The following NHS variants were observed in gnomAD, a reference collection of about 807,000 sequenced individuals.
The protein encoded by NHS is NHS actin remodeling regulator.
A neutral mutation model predicts 72.5 loss-of-function variants in NHS; 5 were observed. That is an observed-to-expected ratio of 0.07 (90% CI 0.04 to 0.14). The LOEUF (loss-of-function observed/expected upper bound fraction) is 0.14. NHS is among the 10% of genes least tolerant of loss of function. The probability of loss-of-function intolerance (pLI) is 1.00; values close to 1 mark genes in which losing one functional copy is unlikely to be tolerated. For synonymous variants in NHS, 464 were observed against 547.7 expected (o/e 0.85, Z 2.13); for missense variants, 1,072 against 1,355.7 (o/e 0.79, Z 3.29).
At chrX:17,718,867 GGAAA>G (rs770650288) in intron 3 of NHS, among the ~76,000 whole-genome samples, 5 of 92,591 alleles carry the variant, frequency 5.4e-5, no homozygotes, top group Non-Finnish European at 1.1e-4. Flanking sequence ...AAGGAAGGTA[GGAAA>G]GAAGGAAGGA....
chrX:17,489,006 T>A (rs1385879076), intron 1 of NHS, among the ~76,000 whole-genome samples: 1 of 111,611 alleles, frequency 9.0e-6, no homozygotes, highest in Non-Finnish European at 1.9e-5. Flanking sequence ...GTGTTCTCAT[T>A]GTTCAACTCC....
rs150791844 is a variant in NHS at position 17,574,155 on chromosome X, C to G, written c.566-113587C>G. On this transcript the variant is annotated intron_variant, in intron 1 of 8. Transcript: ENST00000676302. ...ACAGGGGTCAGGGACCCACTTGAGG[C>G]AGTCTGTCCATCATTAGAGCTCGAA... Among the ~76,000 whole-genome samples the G allele has an allele frequency of 5.4e-3, 604 of 112,079 alleles. 5 individuals carry two copies. The highest frequency in any genetic ancestry group is 0.019 in the African/African-American group (585 of 30,869).
chrX:17,711,429 C>T (rs753469950), intron 3 of NHS, among the ~76,000 whole-genome samples: 2 of 112,298 alleles, frequency 1.8e-5, no homozygotes, highest in Non-Finnish European at 3.8e-5. Context: ...TGTTCCAAAA[C>T]ATAATTGGTT....
At chrX:17,458,090 A>G (rs2064832460) in intron 1 of NHS, among the ~76,000 whole-genome samples, 1 of 112,133 alleles carries the variant, frequency 8.9e-6, no homozygotes, top group African/African-American at 3.2e-5. Flanking sequence ...GTATGGAGAT[A>G]TATGCATACA....
At chrX:17,720,142 T>C (rs1175883706) in intron 4 of NHS, among the ~76,000 whole-genome samples, 1 of 111,851 alleles carries the variant, frequency 8.9e-6, no homozygotes, top group Admixed American at 9.5e-5. Flanking sequence ...TACTAAAACG[T>C]TCATGACGAA....
chrX:17,384,540 C>T (rs2064395715), intron 1 of NHS, among the ~76,000 whole-genome samples: 1 of 112,181 alleles, frequency 8.9e-6, no homozygotes. Flanking sequence ...ACTGATATTA[C>T]TAAGATGATA....
chrX:17,556,668 C>T (rs912183979), intron 1 of NHS, among the ~76,000 whole-genome samples: 1 of 112,563 alleles, frequency 8.9e-6, no homozygotes, highest in Non-Finnish European at 1.9e-5. Context: ...CAGCGTTGAG[C>T]TCTACAGCCA....
chrX:17,692,590 C>A (rs1601839084), intron 3 of NHS, 122 bp downstream of exon 3: 14 of 844,369 alleles, frequency 1.7e-5, no homozygotes, highest in East Asian at 3.3e-5. Context: ...AAATCATGGG[C>A]ATTTGGGAAC....
At chrX:17,497,588 T>C (rs1327187822) in intron 1 of NHS, among the ~76,000 whole-genome samples, 1 of 112,069 alleles carries the variant, frequency 8.9e-6, no homozygotes, top group African/African-American at 3.2e-5. Flanking sequence ...CTTTCCCCAG[T>C]GTTAACTTTT....
At chrX:17,413,124 C>T (rs889901539) in intron 1 of NHS, among the ~76,000 whole-genome samples, 4 of 111,832 alleles carry the variant, frequency 3.6e-5, no homozygotes, top group South Asian at 3.8e-4. Context: ...TGTGTGTGTG[C>T]GTGCACACAC....
At chrX:17,594,101 C>A (rs1010662831) in intron 1 of NHS, among the ~76,000 whole-genome samples, 3 of 111,793 alleles carry the variant, frequency 2.7e-5, no homozygotes, top group African/African-American at 9.8e-5. Context: ...TTAATCTTCC[C>A]AACAACTCTG....
intron 1 of NHS, among the ~76,000 whole-genome samples, chrX:17,459,580 A>G (rs2064839106): frequency 8.9e-6 from 1 of 111,948 alleles, no homozygotes; most frequent in Non-Finnish European, 1.9e-5. Flanking sequence ...CTGTAAATCT[A>G]TTTCAAACTG....
At chrX:17,626,130 T>C (rs1312715024) in intron 1 of NHS, among the ~76,000 whole-genome samples, 1 of 112,514 alleles carries the variant, frequency 8.9e-6, no homozygotes, top group Non-Finnish European at 1.9e-5. Context: ...TATAACCACA[T>C]ATGGCTAGGG....
In NHS at chrX:17,553,174, C is replaced by T. The variant is rs191684479; in HGVS notation, c.566-134568C>T. ...AAGAGGCAGAAAGCCTAGAAAACTT[C>T]CTTTGAGGAGTCAGGAAAGATAGAT... On this transcript the variant is annotated intron_variant, in intron 1 of 8. Transcript: ENST00000676302. 2.9e-3 allele frequency among the ~76,000 whole-genome samples: 325 copies of T among 112,771 alleles called. 3 individuals are homozygous for T. Among genetic ancestry groups the T allele is most frequent in the African/African-American group, 9.7e-3 (300 of 31,039 alleles).
chrX:17,540,208 C>T (rs1015958583), intron 1 of NHS, among the ~76,000 whole-genome samples: 3 of 111,748 alleles, frequency 2.7e-5, no homozygotes, highest in African/African-American at 9.8e-5. Flanking sequence ...CATACTTTAA[C>T]TTATGACTTC....
intron 1 of NHS, among the ~76,000 whole-genome samples, chrX:17,627,732 A>C (rs771662299): frequency 1.8e-5 from 2 of 111,969 alleles, no homozygotes; most frequent in Non-Finnish European, 3.8e-5. Flanking sequence ...CAGTTAATAC[A>C]GTTTTGTTTT....
chrX:17,484,559 G>C (rs866841798), intron 1 of NHS, among the ~76,000 whole-genome samples: 4 of 110,631 alleles, frequency 3.6e-5, no homozygotes, highest in Non-Finnish European at 5.7e-5. Context: ...TCTTACTTGT[G>C]GTTTTCATGG....
chrX:17,728,378 C>T lies in NHS; in HGVS notation c.4222+50C>T, dbSNP rs1243432272. ...AAAGGAAATGTGTCTCATGGCACTT[C>T]CTGGAATTTTTTCTTATGTTCCCAA... On this transcript the variant is annotated intron_variant, in intron 7 of 8. Coordinates refer to ENST00000676302, the MANE Select transcript of NHS (RefSeq NM_001291867.2). 4 of 1,129,110 alleles carry T rather than the reference C, an allele frequency of 3.5e-6. No homozygotes were observed. The Admixed American group carries it at 9.0e-5, about 25-fold the overall frequency. 93.1% of individuals were successfully genotyped at this position (1,129,110 alleles called of 1,213,427 possible). A position where few individuals can be genotyped will look rare whatever the true frequency, so the allele number is the denominator to read the frequency against.
At chrX:17,558,275 C>G (rs1394603450) in intron 1 of NHS, among the ~76,000 whole-genome samples, 1 of 112,384 alleles carries the variant, frequency 8.9e-6, no homozygotes, top group African/African-American at 3.2e-5. Flanking sequence ...TAAATCTTTC[C>G]TGTGCCTCCT....
Sources: gnomAD v4.1 joint callset for allele counts (sites outside exome capture counted in the v4.1 genomes callset) on GRCh38, gnomAD v4.1.1 for gene constraint, MANE v1.5 for transcripts, NCBI Gene and HGNC (gene_info 2026-07-23, HGNC 2026-07-21) for gene names.